Variants in ITGA1 observed in about 807,000 individuals in gnomAD.
ITGA1 encodes the protein integrin alpha-1.
ITGA1 carries 85 observed loss-of-function variants against 145.9 expected under a neutral mutation model. The ratio of observed to expected loss-of-function variants is 0.58; its 90% CI spans 0.49 to 0.70. The LOEUF (loss-of-function observed/expected upper bound fraction) is 0.70. Ranked by LOEUF, ITGA1 falls within the 30% of genes least tolerant of loss-of-function variation. The pLI, the probability that ITGA1 is intolerant of heterozygous loss-of-function variation, is 0.00. For synonymous variants in ITGA1, 520 were observed against 495.3 expected, an observed-to-expected ratio of 1.05 and a Z score of -0.66; for missense variants, 1,351 against 1,418.7, an observed-to-expected ratio of 0.95 and a Z score of 0.77.
intron 1 of ITGA1, among the ~76,000 whole-genome samples, chr5:52,847,495 T>C (rs1749355432): frequency 6.6e-6 from 1 of 152,196 alleles, no homozygotes; most frequent in African/African-American, 2.4e-5. Context: ...CCTCTGAATG[T>C]ACCTGATGAG....
At position 52,806,997 on chromosome 5, in the gene ITGA1, T is replaced by C. The variant is rs1748598250; in HGVS notation, c.61+18583T>C. The stretch of plus-strand genomic sequence containing the variant: ...AACATTTATGATAAATTGTGGAGAC[T>C]TGGATATCAGTCTTCTTTTAAATTT... On this transcript the variant is annotated intron_variant, in intron 1 of 28. Transcript: ENST00000282588. Among the ~76,000 whole-genome samples the C allele has an allele frequency of 2.0e-5, 3 of 152,236 alleles. No homozygotes were observed. In the South Asian group the frequency reaches 6.2e-4, roughly 31 times the overall value.
At chr5:52,911,686 T>C (rs202143897) in intron 14 of ITGA1, among the ~76,000 whole-genome samples, 885 of 51,532 alleles carry the variant, frequency 0.017, 6 homozygotes, top group Middle Eastern at 0.026. Flanking sequence ...CTACTATATA[T>C]ACTATACATA....
At chr5:52,823,293 C>G (rs886287882) in intron 1 of ITGA1, among the ~76,000 whole-genome samples, 4 of 152,198 alleles carry the variant, frequency 2.6e-5, no homozygotes, top group Non-Finnish European at 5.9e-5. Flanking sequence ...CAACCTCCGC[C>G]TCCCGGGTTC....
chr5:52,888,402 G>T lies in ITGA1; in HGVS notation c.924+437G>T, dbSNP rs369867506. On this transcript the variant is annotated intron_variant, in intron 8 of 28. Transcript: ENST00000282588. ...CAGTATAACAAGAGCAGTGGCCATT[G>T]GGCTTCCCTTCCCCGTCTGAGCAAT... 7.2e-5 allele frequency among the ~76,000 whole-genome samples: 11 copies of T among 152,262 alleles called. No individual in the cohort carries two copies. The South Asian group carries it at 2.1e-3, about 29-fold the overall frequency.
intron 1 of ITGA1, among the ~76,000 whole-genome samples, chr5:52,827,546 T>G (rs781195435): frequency 2.6e-5 from 4 of 152,206 alleles, no homozygotes; most frequent in Non-Finnish European, 4.4e-5. Context: ...TCAACAGCAT[T>G]AATCATTAGA....
intron 1 of ITGA1, among the ~76,000 whole-genome samples, chr5:52,796,245 G>C (rs924480291): frequency 6.6e-6 from 1 of 151,828 alleles, no homozygotes; most frequent in Non-Finnish European, 1.5e-5. Flanking sequence ...TTCTAGCCCA[G>C]TTCTCTTCTT....
intron 1 of ITGA1, among the ~76,000 whole-genome samples, chr5:52,798,690 CAT>C (rs1480833370): frequency 6.6e-6 from 1 of 152,090 alleles, no homozygotes; most frequent in African/African-American, 2.4e-5. Context: ...CGTAAGATAA[CAT>C]AGACAAATGG....
intron 16 of ITGA1, 29 bp from the exon 17 acceptor site, chr5:52,920,303 C>T (rs775293062): frequency 8.6e-6 from 13 of 1,520,464 alleles, no homozygotes; most frequent in Non-Finnish European, 1.1e-5. Flanking sequence ...ATAAACATTT[C>T]CATCAATTAT....
At chr5:52,815,404 C>A (rs1748750491) in intron 1 of ITGA1, among the ~76,000 whole-genome samples, 1 of 152,168 alleles carries the variant, frequency 6.6e-6, no homozygotes, top group Non-Finnish European at 1.5e-5. Context: ...TAAAAATTTA[C>A]TTGCTGTTTA....
At chr5:52,799,078 C>T (rs4865747) in intron 1 of ITGA1, among the ~76,000 whole-genome samples, 19,808 of 152,072 alleles carry the variant, frequency 0.13, 1,334 homozygotes, top group Middle Eastern at 0.26. Flanking sequence ...GTTCCCCTTT[C>T]CAATCCACAC....
chr5:52,812,337 G>C (rs1041028516), intron 1 of ITGA1, among the ~76,000 whole-genome samples: 1 of 152,174 alleles, frequency 6.6e-6, no homozygotes, highest in Admixed American at 6.5e-5. Context: ...CCTACAGAAA[G>C]GTAGAGAACC....
Position 52,787,993 on chromosome 5 carries a change from A to C in ITGA1, c.-361A>C. On this transcript the variant is annotated 5_prime_UTR_variant, in exon 1 of 29. An upstream open reading frame in the 5' UTR loses its in-frame stop. Transcript: ENST00000282588. Reference sequence around the variant, plus strand: ...CTCAATGAAAGGCAGATGTCCCTTTAAGGTTTGCTTCTACAGCCCGTGGAC... The same window carrying C: ...CTCAATGAAAGGCAGATGTCCCTTTCAGGTTTGCTTCTACAGCCCGTGGAC... 4.3e-6 allele frequency: 1 copy of C among 231,024 alleles called. No individual in the cohort carries two copies. The highest frequency in any genetic ancestry group is 8.4e-6 in the Non-Finnish European group (1 of 119,196). 14.3% of individuals were successfully genotyped at this position (231,024 alleles called of 1,614,324 possible).
At chr5:52,842,256 A>G (rs960631063) in intron 1 of ITGA1, among the ~76,000 whole-genome samples, 3 of 152,154 alleles carry the variant, frequency 2.0e-5, no homozygotes, top group Non-Finnish European at 4.4e-5. Flanking sequence ...GAATGGTGTC[A>G]TCTGTACTCC....
At chr5:52,834,110 GTGGCTC>G (rs1462850157) in intron 1 of ITGA1, among the ~76,000 whole-genome samples, 1 of 152,150 alleles carries the variant, frequency 6.6e-6, no homozygotes, top group East Asian at 1.9e-4. Context: ...TCCTGGTGTG[GTGGCTC>G]TATTGTCAGC....
At chr5:52,857,877 T>C (rs1219553829) in intron 2 of ITGA1, among the ~76,000 whole-genome samples, 1 of 152,158 alleles carries the variant, frequency 6.6e-6, no homozygotes, top group African/African-American at 2.4e-5. Context: ...CAGTGCATCC[T>C]TTCTTGGCCT....
At chr5:52,821,230 C>T (rs1748874266) in intron 1 of ITGA1, among the ~76,000 whole-genome samples, 6 of 152,096 alleles carry the variant, frequency 3.9e-5, no homozygotes, top group Admixed American at 3.3e-4. Context: ...CTGTGACGGC[C>T]TTTAGTTTGC....
chr5:52,790,451 T>C lies in ITGA1; in HGVS notation c.61+2037T>C, dbSNP rs377230454. 2.7e-4 allele frequency among the ~76,000 whole-genome samples: 41 copies of C among 152,334 alleles called. 1 individual carries two copies. The East Asian group carries it at 4.2e-3, about 16-fold the overall frequency. Reference sequence around the variant, plus strand: ...CAGTTCTGTAGGTCAGAAGTATCACTGGGCTAGAATCAAGATGTCACCAGG... The same window carrying C: ...CAGTTCTGTAGGTCAGAAGTATCACCGGGCTAGAATCAAGATGTCACCAGG... On this transcript the variant is annotated intron_variant, in intron 1 of 28. Transcript: ENST00000282588.
At chr5:52,871,321 T>TA (rs978866328) in intron 6 of ITGA1, among the ~76,000 whole-genome samples, 7 of 151,760 alleles carry the variant, frequency 4.6e-5, no homozygotes, top group African/African-American at 1.7e-4. Context: ...AAACTAAGAA[T>TA]AAAAAAAAGT....
At chr5:52,926,033 A>G (rs1478055250) in intron 19 of ITGA1, among the ~76,000 whole-genome samples, 1 of 152,122 alleles carries the variant, frequency 6.6e-6, no homozygotes, top group Admixed American at 6.5e-5. Flanking sequence ...AGTGTTTCCA[A>G]ATGTGAACTT....
Sources: allele counts gnomAD v4.1 joint callset (sites outside exome capture counted in the v4.1 genomes callset), GRCh38; gene constraint gnomAD v4.1.1; transcripts MANE v1.5; gene names NCBI Gene and HGNC (gene_info 2026-07-23, HGNC 2026-07-21).